RPLP0: variants seen among roughly 807,000 people sequenced by gnomAD.
RPLP0 encodes the protein large ribosomal subunit protein uL10.
For missense variants in RPLP0, 276 were observed against 402.9 expected, an observed-to-expected ratio of 0.69 and a Z score of 2.70; for synonymous variants, 137 against 153.4, an observed-to-expected ratio of 0.89 and a Z score of 0.79.
intron 2 of RPLP0, chr12:120,199,908 G>A (rs1449067190): frequency 4.9e-6 from 2 of 405,898 alleles, no homozygotes; most frequent in Non-Finnish European, 9.9e-6. Context: ...TGTTTATCCG[G>A]ATTGTTACAC....
In RPLP0 at chr12:120,198,541, T is replaced by G. The variant is rs1472262238; in HGVS notation, c.651+13A>C. On this transcript the variant is annotated intron_variant, in intron 6 of 7. Transcript: ENST00000392514. This position sits in a 1 kb window ranked among gnomAD's most constrained non-coding sequence, Gnocchi z 4.1. ...CCATCAGTGTAAGAGGGGGCAAGGC[T>G]GACAGCATATACCTCCAGGAAGCGA... is the stretch of plus-strand genomic sequence containing the variant. 3 of 1,614,140 alleles carry G rather than the reference T, an allele frequency of 1.9e-6. No individual in the cohort carries two copies. Among genetic ancestry groups the G allele is most frequent in the South Asian group, 1.1e-5 (1 of 91,084 alleles).
chr12:120,198,164 T>G lies in RPLP0; in HGVS notation c.651+390A>C, dbSNP rs938115353. Among the ~76,000 whole-genome samples the G allele has an allele frequency of 2.0e-5, 3 of 152,086 alleles. No individual in the cohort carries two copies. On this transcript the variant is annotated intron_variant, in intron 6 of 7. Transcript: ENST00000392514. The surrounding 1 kb of genome is among the most constrained non-coding windows in gnomAD (Gnocchi z 4.1). The stretch of plus-strand genomic sequence containing the variant: ...AATCCCAGCACTTTGGGAGGCCGAG[T>G]TGGGCGGATCACGAGGTCAGGAGAT...
At chr12:120,200,307 A>G in intron 2 of RPLP0, 1 of 336,892 alleles carries the variant, frequency 3.0e-6, no homozygotes, top group Non-Finnish European at 5.9e-6. Context: ...TATTGAAAAT[A>G]CAAAAATTAG....
At chr12:120,197,273 C>T in intron 7 of RPLP0, 49 bp downstream of exon 7, 5 of 1,554,816 alleles carry the variant, frequency 3.2e-6, no homozygotes, top group Non-Finnish European at 4.4e-6. Context: ...CATCACCCTG[C>T]TAATTTGTCA....
Position 120,199,199 on chromosome 12 carries a change from C to G in RPLP0, c.237G>C (p.Leu79=), listed in dbSNP as rs779517202. 1 of 1,613,974 alleles carries G rather than the reference C, an allele frequency of 6.2e-7. No individual in the cohort carries two copies. The highest frequency in any genetic ancestry group is 1.1e-5 in the South Asian group (1 of 91,084). The change falls in exon 4 of 8, where the codon CTG becomes CTC. Residue 79 remains leucine, a synonymous_variant. Coordinates refer to ENST00000392514, the MANE Select transcript of RPLP0 (RefSeq NM_001002.4). ...AGCCCACATTCCCCCGGATATGAGGCAGCAGTCTGCAAAGAGAAGTTTATG... is the reference window on the plus strand; with the variant it reads ...AGCCCACATTCCCCCGGATATGAGGGAGCAGTCTGCAAAGAGAAGTTTATG... ...LENNPALEKL[L]PHIRGNVGFV...
intron 2 of RPLP0, chr12:120,200,072 A>G (rs1227978882): frequency 2.2e-6 from 1 of 456,104 alleles, no homozygotes; most frequent in Non-Finnish European, 4.4e-6. Context: ...AAGTCATTGG[A>G]CACTTAAGTT....
intron 1 of RPLP0, 23 bp downstream of exon 1, chr12:120,201,060 G>A (rs1482178422): frequency 6.8e-6 from 3 of 439,874 alleles, no homozygotes; most frequent in South Asian, 4.1e-5. Context: ...GACCCCTGGC[G>A]CCCATCTAAC....
chr12:120,199,936 T>C lies in RPLP0; in HGVS notation c.55-451A>G. The stretch of plus-strand genomic sequence containing the variant: ...TGTTACACAATTCCTTTGGGTTTTG[T>C]GTCTGAAAACCTTCTAAGTGTGGGA... On this transcript the variant is annotated intron_variant, in intron 2 of 7. Transcript: ENST00000392514. 2 of 429,952 alleles carry C rather than the reference T, an allele frequency of 4.7e-6. 1 individual carries two copies. The highest frequency in any genetic ancestry group is 3.3e-5 in the South Asian group (2 of 61,236). The allele number at this position is 429,952 out of a possible 1,614,324, so 26.6% of individuals were successfully genotyped here.
chr12:120,199,302 G>A lies in RPLP0; in HGVS notation c.230+8C>T, dbSNP rs761786540. ...GGGAGAAAGGACAAAACTGCCAGGG[G>A]AACTGACTTCTCCAGAGCTGGGTTG... On this transcript the variant is annotated splice_region_variant and intron_variant, in intron 3 of 7. Coordinates refer to ENST00000392514, the MANE Select transcript of RPLP0 (RefSeq NM_001002.4). 4 of 1,613,944 alleles carry A rather than the reference G, an allele frequency of 2.5e-6. No individual in the cohort carries two copies. In the South Asian group the frequency reaches 3.3e-5, roughly 13 times the overall value.
rs751174993 is a variant in RPLP0 at position 120,199,343 on chromosome 12, C to G, written c.197G>C (p.Arg66Pro). The change falls in exon 3 of 8, where the codon CGA (arginine) becomes CCA (proline). Residue 66 changes from arginine (R) to proline (P), a missense_variant. Physicochemically the swap from Arg to Pro is moderately radical, Grantham distance 103. Transcript: ENST00000392514. ...AGCTGGGTTGTTTTCCAGGTGCCCT[C>G]GGATGGCCTTGCGCATCATGGTGTT... Reference protein sequence around the residue: ...GKNTMMRKAIRGHLENNPALE... With the variant: ...GKNTMMRKAIPGHLENNPALE... 1 of 1,614,170 alleles carries G rather than the reference C, an allele frequency of 6.2e-7. No individual in the cohort carries two copies.
chr12:120,201,102 C>A lies in RPLP0; in HGVS notation c.-68G>T, dbSNP rs144448928. Reference sequence around the variant, plus strand: ...ACGAACCTTCCACGAGGACGCCTGGCGAGAGAAGGGCCTCGCGCCCGCGCG... The same window carrying A: ...ACGAACCTTCCACGAGGACGCCTGGAGAGAGAAGGGCCTCGCGCCCGCGCG... On this transcript the variant is annotated 5_prime_UTR_variant, in exon 1 of 8. Coordinates refer to ENST00000392514, the MANE Select transcript of RPLP0 (RefSeq NM_001002.4). 0.034 allele frequency: 11,818 copies of A among 348,982 alleles called. 296 individuals carry two copies. Among genetic ancestry groups the A allele is most frequent in the South Asian group, 0.087 (1,314 of 15,172 alleles). 21.6% of individuals were successfully genotyped at this position (348,982 alleles called of 1,614,324 possible).
rs762910385 is a variant in RPLP0, at chr12:120,199,453, A to G, written c.87T>C (p.Ile29=). The G allele has an allele frequency of 1.2e-5, 20 of 1,614,016 alleles. No individual in the cohort carries two copies. In the East Asian group the frequency reaches 3.8e-4, roughly 31 times the overall value. The change falls in exon 3 of 8, where the codon ATT becomes ATC. Residue 29 remains isoleucine (I), a synonymous_variant. Transcript: ENST00000392514. The stretch of plus-strand genomic sequence containing the variant: ...TGGAGCCCACATTGTCTGCTCCCAC[A>G]ATGAAACATTTCGGATAATCATCCA... ...QLLDDYPKCF[I]VGADNVGSKQ... is the part of the protein sequence containing the mutation.
Position 120,198,290 on chromosome 12 carries a change from C to T in RPLP0, c.651+264G>A. 2.5e-6 allele frequency: 1 copy of T among 401,214 alleles called. No individual in the cohort carries two copies. Among genetic ancestry groups the T allele is most frequent in the South Asian group, 2.6e-5 (1 of 38,740 alleles). The allele number at this position is 401,214 out of a possible 1,614,324, so 24.9% of individuals were successfully genotyped here. ...GTCCCAGCTACTCAGGAGGCTGAGG[C>T]AGGAGAATGGTGTGAACCCGGAGGC... On this transcript the variant is annotated intron_variant, in intron 6 of 7. Transcript: ENST00000392514. This position sits in a 1 kb window ranked among gnomAD's most constrained non-coding sequence, Gnocchi z 4.1.
At chr12:120,200,651 C>A (rs1879410145) in intron 2 of RPLP0, 79 bp downstream of exon 2, 4 of 1,505,548 alleles carry the variant, frequency 2.7e-6, no homozygotes, top group African/African-American at 2.8e-5. Flanking sequence ...TGTGAGTAGA[C>A]CCTCAGCACA....
At position 120,196,856 on chromosome 12, in the gene RPLP0, C is replaced by A. The variant is rs745725213; in HGVS notation, c.871G>T (p.Ala291Ser). 6.2e-7 allele frequency: 1 copy of A among 1,611,714 alleles called. No homozygotes were observed. Among genetic ancestry groups the A allele is most frequent in the South Asian group, 1.1e-5 (1 of 90,922 alleles). The part of the protein sequence containing the change: ...VAAATTAAPA[A>S]AAAPAKVEAK... ...TCAACCTTAGCTGGGGCTGCAGCAG[C>A]AGCAGGAGCAGCTGTGGTGGCAGCA... The change falls in exon 8 of 8, where the codon GCT becomes TCT. Residue 291 changes from alanine to serine, a missense_variant. Transcript: ENST00000392514.
intron 7 of RPLP0, 156 bp downstream of exon 7, chr12:120,197,166 A>C: frequency 9.9e-7 from 1 of 1,010,454 alleles, no homozygotes; most frequent in South Asian, 1.5e-5. Context: ...TTCTCAAGTG[A>C]GAAACGCCTT....
In RPLP0 at chr12:120,196,761, G is replaced by C; in HGVS notation, c.*12C>G. The C allele has an allele frequency of 6.5e-7, 1 of 1,546,674 alleles. No homozygotes were observed. Among genetic ancestry groups the C allele is most frequent in the East Asian group, 2.3e-5 (1 of 43,692 alleles). ...GCAAATAAAACTGGCTAAGTTGGTT[G>C]CTTTTTGGTGATTAGTCAAAGAGAC... On this transcript the variant is annotated 3_prime_UTR_variant, in exon 8 of 8. Coordinates refer to ENST00000392514, the MANE Select transcript of RPLP0 (RefSeq NM_001002.4).
At position 120,198,559 on chromosome 12, in the gene RPLP0, G is replaced by C. The variant is rs937755896; in HGVS notation, c.646C>G (p.Leu216Val). 6.2e-7 allele frequency: 1 copy of C among 1,613,992 alleles called. No homozygotes were observed. Among genetic ancestry groups the C allele is most frequent in the African/African-American group, 1.3e-5 (1 of 74,906 alleles). Residue 216 changes from leucine (L) to valine (V), a missense_variant, in exon 6 of 8, where the codon CTG (leucine) becomes GTG (valine). Physicochemically the swap from Leu to Val is conservative, Grantham distance 32. Coordinates refer to ENST00000392514, the MANE Select transcript of RPLP0 (RefSeq NM_001002.4). The surrounding 1 kb of genome is among the most constrained non-coding windows in gnomAD (Gnocchi z 4.1). ...GCAAGGCTGACAGCATATACCTCCA[G>C]GAAGCGAGAATGCAGAGTTTCCTCT... Reference protein sequence around the residue: ...ITEETLHSRFLEGVRNVASVC... With the variant: ...ITEETLHSRFVEGVRNVASVC...
chr12:120,197,489 G>A (rs375117926), intron 6 of RPLP0, 27 bp from the exon 7 acceptor site: 438 of 1,610,952 alleles, frequency 2.7e-4, no homozygotes, highest in Middle Eastern at 5.0e-4. Context: ...TTCATTTTAC[G>A]TGAGATTCCC....
Sources: gnomAD v4.1 joint callset for allele counts (sites outside exome capture counted in the v4.1 genomes callset) on GRCh38, gnomAD v4.1.1 for gene constraint, Gnocchi (gnomAD v3.1) non-coding constraint, MANE v1.5 for transcripts, NCBI Gene and HGNC (gene_info 2026-07-23, HGNC 2026-07-21) for gene names.